The following PTPRD variants were observed in gnomAD, a reference collection of about 807,000 sequenced individuals.
PTPRD encodes protein tyrosine phosphatase receptor type D.
A neutral mutation model predicts 214.5 loss-of-function variants in PTPRD; 34 were observed. The observed-to-expected ratio is 0.16, with a 90% CI of 0.12 to 0.21. PTPRD has a LOEUF of 0.21. Ranked by LOEUF, PTPRD falls within the 10% of genes least tolerant of loss-of-function variation. The probability of loss-of-function intolerance (pLI) is 1.00; values close to 1 mark genes in which losing one functional copy is unlikely to be tolerated. For synonymous variants in PTPRD, 1,128 were observed against 845.7 expected, an observed-to-expected ratio of 1.33 and a Z score of -5.79; for missense variants, 2,545 against 2,398.7, an observed-to-expected ratio of 1.06 and a Z score of -1.27.
chr9:9,068,178 T>C (rs568181310), intron 10 of PTPRD, among the ~76,000 whole-genome samples: 54 of 152,328 alleles, frequency 3.5e-4, no homozygotes, highest in African/African-American at 1.3e-3. Context: ...TATTGATTTC[T>C]TTTTGTCCTT....
chr9:8,482,656 C>A (rs1468405252), intron 30 of PTPRD, among the ~76,000 whole-genome samples: 1 of 152,086 alleles, frequency 6.6e-6, no homozygotes, highest in African/African-American at 2.4e-5. Flanking sequence ...GTTATCATGC[C>A]ACTCTCCTGT....
intron 4 of PTPRD, among the ~76,000 whole-genome samples, chr9:10,019,791 G>C (rs1471589565): frequency 2.8e-5 from 3 of 107,154 alleles, no homozygotes; most frequent in Non-Finnish European, 7.1e-5. Context: ...GTGGGGGGGA[G>C]CTGGGAGGGA....
At chr9:8,880,459 T>A (rs1426170236) in intron 11 of PTPRD, among the ~76,000 whole-genome samples, 1 of 152,208 alleles carries the variant, frequency 6.6e-6, no homozygotes, top group Admixed American at 6.5e-5. Flanking sequence ...GATCAACTCC[T>A]CCTTACTGAT....
chr9:8,687,422 A>G (rs1232227756), intron 12 of PTPRD, among the ~76,000 whole-genome samples: 1 of 152,212 alleles, frequency 6.6e-6, no homozygotes, highest in East Asian at 1.9e-4. Context: ...TTTTAAATAA[A>G]GTTTGGTAAG....
intron 11 of PTPRD, among the ~76,000 whole-genome samples, chr9:8,964,135 G>T (rs533350301): frequency 7.3e-6 from 1 of 136,166 alleles, no homozygotes; most frequent in Non-Finnish European, 1.5e-5. Context: ...ATTGGTACTA[G>T]CTCTTCTTTG....
intron 12 of PTPRD, among the ~76,000 whole-genome samples, chr9:8,721,275 CA>C (rs2098493816): frequency 6.6e-6 from 1 of 151,370 alleles, no homozygotes; most frequent in Non-Finnish European, 1.5e-5. Context: ...ACTAATAATG[CA>C]AAAATTAGTC....
intron 3 of PTPRD, among the ~76,000 whole-genome samples, chr9:10,128,126 A>C (rs906895563): frequency 6.6e-6 from 1 of 152,018 alleles, no homozygotes; most frequent in Non-Finnish European, 1.5e-5. Context: ...TTTTATTCCA[A>C]TGTTCTGTAT....
rs145484753 is a variant in PTPRD, at chr9:9,557,680, C to G, written c.-237+17052G>C. On this transcript the variant is annotated intron_variant, in intron 8 of 45. Transcript: ENST00000381196. ...TGGTCTCCACACCCCCTTATCTTAA[C>G]CAAAACATTCCTTTCTATTGATTCC... 4.8e-4 allele frequency among the ~76,000 whole-genome samples: 73 copies of G among 152,266 alleles called. 1 individual carries two copies. The East Asian group carries it at 0.014, about 28-fold the overall frequency.
rs5896271 is a variant in PTPRD at position 8,876,224 on chromosome 9, G to GTGTTGT, written c.-103-142284_-103-142279dup. On this transcript the variant is annotated intron_variant, in intron 11 of 45. Coordinates refer to ENST00000381196, the MANE Select transcript of PTPRD (RefSeq NM_002839.4). Reference sequence around the variant, plus strand: ...AGAGCCTATCTGAGTATGTGTGTGTGTGTTGTTGTTGTTGTTGTTTAAACA... The same window carrying GTGTTGT: ...AGAGCCTATCTGAGTATGTGTGTGTGTGTTGTTGTTGTTGTTGTTGTTGTTTAAACA... Among the ~76,000 whole-genome samples the GTGTTGT allele has an allele frequency of 2.1e-4, 32 of 151,036 alleles. No homozygotes were observed. The East Asian group carries it at 2.9e-3, about 14-fold the overall frequency.
intron 12 of PTPRD, among the ~76,000 whole-genome samples, chr9:8,732,119 G>C (rs900045658): frequency 6.6e-5 from 10 of 152,220 alleles, no homozygotes; most frequent in Admixed American, 6.5e-4. Context: ...AAACCAGTAA[G>C]ATGACGGTTA....
chr9:9,043,484 C>G (rs1307687850), intron 10 of PTPRD, among the ~76,000 whole-genome samples: 1 of 152,138 alleles, frequency 6.6e-6, no homozygotes, highest in African/African-American at 2.4e-5. Flanking sequence ...TTCAGTTCTG[C>G]TAAGGGAAAG....
intron 5 of PTPRD, among the ~76,000 whole-genome samples, chr9:9,808,244 G>C (rs1449870383): frequency 6.6e-6 from 1 of 152,130 alleles, no homozygotes; most frequent in Non-Finnish European, 1.5e-5. Context: ...GGTCTGATGA[G>C]CATTTCGAAT....
At chr9:8,572,002 G>A (rs1018531434) in intron 14 of PTPRD, among the ~76,000 whole-genome samples, 1 of 152,078 alleles carries the variant, frequency 6.6e-6, no homozygotes, top group Non-Finnish European at 1.5e-5. Flanking sequence ...GAAGTAATGT[G>A]TACAGTGATG....
intron 3 of PTPRD, among the ~76,000 whole-genome samples, chr9:10,087,371 T>C (rs961359333): frequency 6.6e-6 from 1 of 151,704 alleles, no homozygotes; most frequent in Non-Finnish European, 1.5e-5. Context: ...AAGTAATACC[T>C]ACAAGTATTA....
intron 14 of PTPRD, among the ~76,000 whole-genome samples, chr9:8,616,063 A>G (rs78736456): frequency 0.021 from 3,238 of 152,284 alleles, 124 homozygotes; most frequent in African/African-American, 0.073. Flanking sequence ...TTTACATTTT[A>G]TAAAGGAGAG....
chr9:9,379,596 G>C (rs771990535), intron 9 of PTPRD, among the ~76,000 whole-genome samples: 1 of 151,956 alleles, frequency 6.6e-6, no homozygotes, highest in Admixed American at 6.6e-5. Context: ...TTTTGATTGG[G>C]ATTGCATTGA....
chr9:9,206,979 C>G (rs2099945256), intron 9 of PTPRD, among the ~76,000 whole-genome samples: 1 of 152,090 alleles, frequency 6.6e-6, no homozygotes, highest in Non-Finnish European at 1.5e-5. Flanking sequence ...TAATACAAAG[C>G]TATTGTAATA....
At chr9:10,592,141 A>G (rs1196323504) in intron 2 of PTPRD, among the ~76,000 whole-genome samples, 2 of 152,050 alleles carry the variant, frequency 1.3e-5, no homozygotes, top group Admixed American at 1.3e-4. Flanking sequence ...CAAGAAAGTT[A>G]TTTTGCCAAA....
chr9:10,184,146 CG>C (rs2099316655), intron 3 of PTPRD, among the ~76,000 whole-genome samples: 1 of 151,952 alleles, frequency 6.6e-6, no homozygotes, highest in African/African-American at 2.4e-5. Context: ...AATTTTAGGC[CG>C]GGTGCAGTGG....
Sources: allele counts gnomAD v4.1 joint callset (sites outside exome capture counted in the v4.1 genomes callset), GRCh38; gene constraint gnomAD v4.1.1; transcripts MANE v1.5; gene names NCBI Gene and HGNC (gene_info 2026-07-23, HGNC 2026-07-21).